Variants in NAPRT observed in about 807,000 individuals in gnomAD.
The protein encoded by NAPRT is nicotinate phosphoribosyltransferase.
In NAPRT, 66 loss-of-function variants were observed where a neutral mutation model predicts 60.7. That is an observed-to-expected ratio of 1.09 (90% CI 0.89 to 1.33). NAPRT has a LOEUF of 1.33. Among genes scored for constraint, NAPRT ranks in the 40% most tolerant of loss-of-function variants. The pLI, the probability that NAPRT is intolerant of heterozygous loss-of-function variation, is 0.00. For synonymous variants in NAPRT, 405 were observed against 335.7 expected, an observed-to-expected ratio of 1.21 and a Z score of -2.26; for missense variants, 818 against 731.5, an observed-to-expected ratio of 1.12 and a Z score of -1.36.
intron 8 of NAPRT, 50 bp downstream of exon 8, chr8:143,576,028 G>A: frequency 1.4e-6 from 2 of 1,458,042 alleles, no homozygotes; most frequent in Non-Finnish European, 9.3e-7. Context: ...ACCTGCAGGG[G>A]CCCCCAGAGC....
downstream of NAPRT, among the ~76,000 whole-genome samples, chr8:143,574,069 G>C (rs1289904612): frequency 3.3e-5 from 5 of 152,262 alleles, no homozygotes; most frequent in Admixed American, 6.5e-5. Context: ...CCCCCAAGCA[G>C]TTCCTCTTGA....
At position 143,577,743 on chromosome 8, in the gene NAPRT, CG is replaced by C; in HGVS notation, c.355-5del. 2 of 1,552,808 alleles carry C rather than the reference CG, an allele frequency of 1.3e-6. No homozygotes were observed. Reference sequence around the variant, plus strand: ...CGGACACCTGCAGGAGCGGCACCTGCGGGGAGAGAAGTCAGCTCCGCGCTCG... The same window carrying C: ...CGGACACCTGCAGGAGCGGCACCTGCGGGAGAGAAGTCAGCTCCGCGCTCG... On this transcript the variant is annotated splice_polypyrimidine_tract_variant and splice_region_variant and intron_variant, in intron 2 of 12. Transcript: ENST00000449291.
chr8:143,577,312 G>A lies in NAPRT; in HGVS notation c.525C>T (p.Gly175=). Residue 175 remains glycine, a synonymous_variant, in exon 4 of 13, where the codon GGC becomes GGT. Transcript: ENST00000449291. ...LLEMGLRRAQ[G]PDGGLTASTY... is the part of the protein sequence containing the mutation. ...TGGAGGCTGTCAGGCCCCCATCGGG[G>A]CCCTGAGCCCGCCTCAGGCCCATCT... is the stretch of plus-strand genomic sequence containing the variant. 2.5e-6 allele frequency: 4 copies of A among 1,604,588 alleles called. No individual in the cohort carries two copies. The highest frequency in any genetic ancestry group is 1.1e-5 in the South Asian group (1 of 89,920).
intron 8 of NAPRT, 72 bp from the exon 9 acceptor site, chr8:143,575,774 G>A (rs1824405021): frequency 1.2e-6 from 1 of 800,844 alleles, no homozygotes; most frequent in Admixed American, 3.7e-5. Context: ...GCCCTGGGTG[G>A]GGAAGGAGGT....
intron 8 of NAPRT, 27 bp downstream of exon 8, chr8:143,576,051 C>T: frequency 1.3e-6 from 2 of 1,545,712 alleles, no homozygotes; most frequent in East Asian, 2.3e-5. Flanking sequence ...CCCAGCCACC[C>T]TCCGCCTACC....
In NAPRT at chr8:143,577,547, C is replaced by T. The variant is rs553543509; in HGVS notation, c.437+110G>A. The T allele has an allele frequency of 2.7e-5, 39 of 1,460,630 alleles. No homozygotes were observed. In the South Asian group the frequency reaches 3.0e-4, roughly 11 times the overall value. The allele number at this position is 1,460,630 out of a possible 1,614,324, so 90.5% of individuals were successfully genotyped here. ...ACCCTGAAGAGTGGGGGCGGGAGGC[C>T]AGTCCTGGGACCCCTGGGCAGCCAG... On this transcript the variant is annotated intron_variant, in intron 3 of 12. Coordinates refer to ENST00000449291, the MANE Select transcript of NAPRT (RefSeq NM_145201.6).
rs762111955 is a variant in NAPRT at position 143,577,924 on chromosome 8, C to T, written c.246G>A (p.Ser82=). 2 of 1,611,010 alleles carry T rather than the reference C, an allele frequency of 1.2e-6. No individual in the cohort carries two copies. Among genetic ancestry groups the T allele is most frequent in the Non-Finnish European group, 1.7e-6 (2 of 1,178,828 alleles). ...LRDADVQFLA[S]VLPPDTDPAF... is the part of the protein sequence containing the mutation. ...CAGGATCCGTGTCTGGGGGCAGCACCGAGGCCAGGAACTGCACGTCTGGAA... is the reference window on the plus strand; with the variant it reads ...CAGGATCCGTGTCTGGGGGCAGCACTGAGGCCAGGAACTGCACGTCTGGAA... Residue 82 remains serine (S), a synonymous_variant, in exon 2 of 13, where the codon TCG becomes TCA. Coordinates refer to ENST00000449291, the MANE Select transcript of NAPRT (RefSeq NM_145201.6).
At position 143,577,103 on chromosome 8, in the gene NAPRT, A is replaced by G; in HGVS notation, c.643T>C (p.Phe215Leu). 6.2e-7 allele frequency: 1 copy of G among 1,612,994 alleles called. No individual in the cohort carries two copies. Among genetic ancestry groups the G allele is most frequent in the Middle Eastern group, 1.6e-4 (1 of 6,062 alleles). The part of the protein sequence containing the change: ...VPVAGTLAHS[F>L]VTSFSGSEVP... Reference sequence around the variant, plus strand: ...TCGCTGCCTGAAAAGGAAGTGACGAAGGAGTGGGCCAGGGTCCCGGCCACC... The same window carrying G: ...TCGCTGCCTGAAAAGGAAGTGACGAGGGAGTGGGCCAGGGTCCCGGCCACC... Residue 215 changes from phenylalanine to leucine, a missense_variant, in exon 5 of 13, where the codon TTC becomes CTC. By Grantham distance (22) the Phe-to-Leu change is conservative. Transcript: ENST00000449291.
Position 143,575,502 on chromosome 8 carries a change from TG to T in NAPRT, c.1211del (p.Pro404HisfsTer3). On this transcript the variant is annotated frameshift_variant, in exon 10 of 13. Coordinates refer to ENST00000449291, the MANE Select transcript of NAPRT (RefSeq NM_145201.6). LOFTEE classifies it high-confidence loss of function. ...VYKLVAVGGQPRMKLTEDPEK... is the reference protein window; with the variant it reads ...VYKLVAVGGQXRMKLTEDPEK... ...CGGGGTCCTCGGTCAGCTTCATTCG[TG>T]GCTGGCCCCCCACGGCCACCAGCTG... The T allele has an allele frequency of 6.3e-7, 1 of 1,599,122 alleles. No homozygotes were observed. The highest frequency in any genetic ancestry group is 1.7e-4 in the Middle Eastern group (1 of 6,002).
chr8:143,577,724 C>T lies in NAPRT; in HGVS notation c.370G>A (p.Val124Met), dbSNP rs1364881623. 6.5e-7 allele frequency: 1 copy of T among 1,548,530 alleles called. No homozygotes were observed. The highest frequency in any genetic ancestry group is 1.9e-5 in the Admixed American group (1 of 51,606). Residue 124 changes from valine to methionine, a missense_variant, in exon 3 of 13, where the codon GTG becomes ATG. By Grantham distance (21) the Val-to-Met change is conservative. Coordinates refer to ENST00000449291, the MANE Select transcript of NAPRT (RefSeq NM_145201.6). Reference protein sequence around the residue: ...LAFPGVPLLQVSGPLLVVQLL... With the variant: ...LAFPGVPLLQMSGPLLVVQLL... ...TGCACCACCAGGAGCGGCCCGGACA[C>T]CTGCAGGAGCGGCACCTGCGGGGAG...
chr8:143,576,535 G>C lies in NAPRT; in HGVS notation c.919C>G (p.Leu307Val), dbSNP rs1317139629. The C allele has an allele frequency of 6.2e-6, 10 of 1,612,214 alleles. No homozygotes were observed. Among genetic ancestry groups the C allele is most frequent in the Middle Eastern group, 3.3e-4 (2 of 6,056 alleles). ...LPNFLAVALA[L>V]GELGYRAVGV... ...ACTGCCCGGTAGCCCAGCTCTCCCA[G>C]GGCCAGGGCGACTGCTAGGAAGTTG... is the stretch of plus-strand genomic sequence containing the variant. The change falls in exon 7 of 13, where the codon CTG (leucine) becomes GTG (valine). Residue 307 changes from leucine (L) to valine (V), a missense_variant. Physicochemically the swap from Leu to Val is conservative, Grantham distance 32. Coordinates refer to ENST00000449291, the MANE Select transcript of NAPRT (RefSeq NM_145201.6).
At chr8:143,575,121 G>A (rs1349913178) in intron 11 of NAPRT, 28 bp from the exon 12 acceptor site, 4 of 1,553,756 alleles carry the variant, frequency 2.6e-6, no homozygotes, top group East Asian at 4.8e-5. Context: ...GGAAAGAGAA[G>A]CTTGGGGCTA....
rs184059139 is a variant in NAPRT at position 143,576,459 on chromosome 8, C to T, written c.995G>A (p.Arg332His). 112 of 1,610,606 alleles carry T rather than the reference C, an allele frequency of 7.0e-5. No homozygotes were observed. The African/African-American group carries it at 7.7e-4, about 11-fold the overall frequency. Residue 332 changes from arginine (R) to histidine (H), a missense_variant, in exon 7 of 13, where the codon CGC (arginine) becomes CAC (histidine). Transcript: ENST00000449291. ...GGCTGCAGCAGCTCGGAAGACCTTG[C>T]GGATCTCCTGAGCCTGCTGTAGCAG... ...GDLLQQAQEI[R>H]KVFRAAAAQF... is the part of the protein sequence containing the mutation.
chr8:143,575,402 G>T, intron 10 of NAPRT, 21 bp downstream of exon 10: 2 of 1,593,874 alleles, frequency 1.3e-6, no homozygotes, highest in African/African-American at 1.3e-5. Context: ...GTGGACAGCA[G>T]GGGGGATGGG....
At chr8:143,574,741 C>CCG (rs1181420652), downstream of NAPRT, 2 of 1,454,304 alleles carry the variant, frequency 1.4e-6, no homozygotes, top group African/African-American at 2.8e-5. Flanking sequence ...GAGGCGCAGC[C>CCG]CGTGGGCTGG....
At chr8:143,575,789 CTG>C in intron 8 of NAPRT, 87 bp from the exon 9 acceptor site, 2 of 533,444 alleles carry the variant, frequency 3.7e-6, no homozygotes, top group Non-Finnish European at 5.3e-6. Context: ...GGAGGTGGCA[CTG>C]CCCTGGGTGG....
At position 143,576,773 on chromosome 8, in the gene NAPRT, G is replaced by C. The variant is rs768858590; in HGVS notation, c.754C>G (p.Gln252Glu). 1.2e-6 allele frequency: 2 copies of C among 1,607,574 alleles called. No individual in the cohort carries two copies. Among genetic ancestry groups the C allele is most frequent in the African/African-American group, 1.3e-5 (1 of 74,800 alleles). ...CCCAGCCCCAGGTGGGCACACACCT[G>C]CTCCAGCCACACCTGGGCTTTGGCC... Reference protein sequence around the residue: ...LAAKAQVWLEQVCAHLGLGVQ... With the variant: ...LAAKAQVWLEEVCAHLGLGVQ... The change falls in exon 6 of 13, where the codon CAG (glutamine) becomes GAG (glutamate). Residue 252 changes from glutamine (Q) to glutamate (E), a missense_variant. Coordinates refer to ENST00000449291, the MANE Select transcript of NAPRT (RefSeq NM_145201.6).
chr8:143,576,627 C>G lies in NAPRT; in HGVS notation c.881+19G>C. On this transcript the variant is annotated intron_variant, in intron 6 of 12. Transcript: ENST00000449291. ...TGCTGAGGTTCTGCTGAGCCCACCC[C>G]TAAAGTGCCCGGGCTCACCTCCACA... The G allele has an allele frequency of 1.2e-6, 2 of 1,605,788 alleles. No individual in the cohort carries two copies. Among genetic ancestry groups the G allele is most frequent in the Non-Finnish European group, 1.7e-6 (2 of 1,175,072 alleles).
chr8:143,577,659 G>T lies in NAPRT; in HGVS notation c.435C>A (p.Ala145=). The change falls in exon 3 of 13, where the codon GCC becomes GCA. Residue 145 remains alanine (A), a splice_region_variant and synonymous_variant. Coordinates refer to ENST00000449291, the MANE Select transcript of NAPRT (RefSeq NM_145201.6). ...ETPLLCLVSY[A]SLVATNAARL... The stretch of plus-strand genomic sequence containing the variant: ...CCTGCCAGTGGCCCGCAGCCCACCT[G>T]GCGTAGCTGACCAGGCAGAGCAGCG... The T allele has an allele frequency of 6.5e-7, 1 of 1,537,864 alleles. No homozygotes were observed.
Sources: allele counts gnomAD v4.1 joint callset (sites outside exome capture counted in the v4.1 genomes callset), GRCh38; gene constraint gnomAD v4.1.1; transcripts MANE v1.5; gene names NCBI Gene and HGNC (gene_info 2026-07-23, HGNC 2026-07-21).